Variants in BRWD3 observed in about 807,000 individuals in gnomAD.
BRWD3 encodes bromodomain and WD repeat-containing protein 3.
BRWD3 carries 10 observed loss-of-function variants against 149.7 expected under a neutral mutation model. The ratio of observed to expected loss-of-function variants is 0.07; its 90% CI spans 0.04 to 0.11. The LOEUF is 0.11. BRWD3 is among the 10% of genes least tolerant of loss of function. The probability of loss-of-function intolerance (pLI) is 1.00; values close to 1 mark genes in which losing one functional copy is unlikely to be tolerated. For missense variants in BRWD3, 940 were observed against 1,373.2 expected, an observed-to-expected ratio of 0.68 and a Z score of 4.99; for synonymous variants, 504 against 456.7, an observed-to-expected ratio of 1.10 and a Z score of -1.32.
intron 40 of BRWD3, among the ~76,000 whole-genome samples, chrX:80,678,550 G>A (rs757641310): frequency 8.1e-5 from 9 of 111,454 alleles, no homozygotes; most frequent in Admixed American, 4.8e-4. Context: ...ATATAATTGC[G>A]GAAATTTTCA....
intron 6 of BRWD3, among the ~76,000 whole-genome samples, chrX:80,764,328 C>T (rs769939943): frequency 1.2e-4 from 13 of 111,428 alleles, no homozygotes; most frequent in Non-Finnish European, 2.3e-4. Context: ...TTTTTAGAGA[C>T]GGAGTCTCGC....
At chrX:80,688,173 G>T in intron 33 of BRWD3, 48 bp from the exon 34 acceptor site, 1 of 997,521 alleles carries the variant, frequency 1.0e-6, no homozygotes, top group Non-Finnish European at 1.4e-6. Context: ...TACATTCAAA[G>T]TCATATAAAT....
intron 6 of BRWD3, among the ~76,000 whole-genome samples, chrX:80,761,969 C>T (rs2073807572): frequency 9.0e-6 from 1 of 111,583 alleles, no homozygotes; most frequent in African/African-American, 3.3e-5. Context: ...AATATTTCTA[C>T]TCATTTACTA....
intron 8 of BRWD3, among the ~76,000 whole-genome samples, chrX:80,741,751 G>A (rs373239185): frequency 3.6e-5 from 4 of 111,569 alleles, no homozygotes; most frequent in Admixed American, 9.5e-5. Context: ...ACTTTTTGAC[G>A]GGGTTGTTTG....
chrX:80,803,851 T>A (rs1355098777), intron 4 of BRWD3, among the ~76,000 whole-genome samples: 1 of 112,495 alleles, frequency 8.9e-6, no homozygotes, highest in African/African-American at 3.2e-5. Context: ...AAGCTATTAT[T>A]AGTAATTGGA....
chrX:80,706,395 C>T (rs1431323803), intron 22 of BRWD3, among the ~76,000 whole-genome samples: 1 of 111,823 alleles, frequency 8.9e-6, no homozygotes, highest in East Asian at 2.8e-4. Context: ...AGAAGTGAGC[C>T]ACCACGTTCG....
intron 5 of BRWD3, among the ~76,000 whole-genome samples, chrX:80,793,110 C>T (rs1245092498): frequency 1.2e-5 from 1 of 85,270 alleles, no homozygotes; most frequent in East Asian, 3.8e-4. Context: ...TGTGGTGAGC[C>T]GAGATCGCGC....
At chrX:80,687,996 G>C in intron 34 of BRWD3, 73 bp downstream of exon 34, 1 of 748,844 alleles carries the variant, frequency 1.3e-6, no homozygotes. Flanking sequence ...TCCAAATATG[G>C]GGTTGGTCTT....
At chrX:80,725,825 C>CGT (rs10683328) in intron 14 of BRWD3, among the ~76,000 whole-genome samples, 5,650 of 61,661 alleles carry the variant, frequency 0.092, 735 homozygotes, top group South Asian at 0.4. Flanking sequence ...GCCTATATAA[C>CGT]ATAACATGTT....
chrX:80,792,037 T>A, intron 5 of BRWD3, 85 bp from the exon 6 acceptor site: 1 of 588,917 alleles, frequency 1.7e-6, no homozygotes, highest in Non-Finnish European at 2.8e-6. Flanking sequence ...GATTTTAATT[T>A]AATTTGTTGG....
At position 80,745,746 on chromosome X, in the gene BRWD3, ATTAAC is replaced by A; in HGVS notation, c.431-22_431-18del. ...TGATATTCACTGAAAAAAATACGAA[ATTAAC>A]TTAAAACTTAAAAGTGAAACTGATT... On this transcript the variant is annotated intron_variant, in intron 6 of 40. Transcript: ENST00000373275. 1 of 1,181,014 alleles carries A rather than the reference ATTAAC, an allele frequency of 8.5e-7. No individual in the cohort carries two copies. Among genetic ancestry groups the A allele is most frequent in the Non-Finnish European group, 1.1e-6 (1 of 874,250 alleles).
intron 19 of BRWD3, 39 bp from the exon 20 acceptor site, chrX:80,716,289 G>A (rs778643284): frequency 2.7e-5 from 27 of 1,004,304 alleles, no homozygotes; most frequent in Non-Finnish European, 3.7e-5. Context: ...AGAAAATCAA[G>A]AAGAAAACCA....
chrX:80,689,363 C>T (rs1321448279), intron 33 of BRWD3, among the ~76,000 whole-genome samples: 1 of 111,291 alleles, frequency 9.0e-6, no homozygotes, highest in Non-Finnish European at 1.9e-5. Flanking sequence ...CATGAAACTA[C>T]CAAAAATTTA....
At chrX:80,693,440 A>G (rs1409587902) in intron 27 of BRWD3, among the ~76,000 whole-genome samples, 2 of 112,172 alleles carry the variant, frequency 1.8e-5, no homozygotes, top group Non-Finnish European at 1.9e-5. Context: ...TATATTACAG[A>G]TCTTCAAGGC....
At chrX:80,706,447 T>C (rs186411027) in intron 22 of BRWD3, among the ~76,000 whole-genome samples, 1 of 112,066 alleles carries the variant, frequency 8.9e-6, no homozygotes, top group East Asian at 2.8e-4. Flanking sequence ...AGGTTTTTTC[T>C]ATTTTTAAGG....
chrX:80,705,590 G>C (rs987004993), intron 22 of BRWD3, among the ~76,000 whole-genome samples: 2 of 111,571 alleles, frequency 1.8e-5, no homozygotes, highest in African/African-American at 6.5e-5. Context: ...ATATCATACA[G>C]AGTATACTTA....
chrX:80,687,099 T>C (rs2072537924), intron 34 of BRWD3, 96 bp from the exon 35 acceptor site: 2 of 437,635 alleles, frequency 4.6e-6, no homozygotes, highest in African/African-American at 5.9e-5. Flanking sequence ...TCTGTATGTG[T>C]GTATATATAT....
At chrX:80,686,830 T>C (rs2072533217) in intron 35 of BRWD3, 33 bp downstream of exon 35, 1 of 1,195,569 alleles carries the variant, frequency 8.4e-7, no homozygotes. Flanking sequence ...GAAATTATCA[T>C]ACTGACAATT....
rs1032198228 is a variant in BRWD3 at position 80,708,276 on chromosome X, G to C, written c.2476-773C>G. On this transcript the variant is annotated intron_variant, in intron 21 of 40. Transcript: ENST00000373275. Reference sequence around the variant, plus strand: ...CAGGGCATGGTGGCATGCACCTGTAGTCCTAGCTACTTGGGAGGATGAGAC... The same window carrying C: ...CAGGGCATGGTGGCATGCACCTGTACTCCTAGCTACTTGGGAGGATGAGAC... Among the ~76,000 whole-genome samples, 5 of 110,417 alleles carry C rather than the reference G, an allele frequency of 4.5e-5. No individual in the cohort carries two copies. The East Asian group carries it at 1.1e-3, about 25-fold the overall frequency.
Sources: gnomAD v4.1 joint callset for allele counts (sites outside exome capture counted in the v4.1 genomes callset) on GRCh38, gnomAD v4.1.1 for gene constraint, MANE v1.5 for transcripts, NCBI Gene and HGNC (gene_info 2026-07-23, HGNC 2026-07-21) for gene names.